Variants in APPBP2 observed in about 807,000 individuals in gnomAD.
The protein encoded by APPBP2 is amyloid protein-binding protein 2.
A neutral mutation model predicts 76.0 loss-of-function variants in APPBP2; 15 were observed. The observed-to-expected ratio is 0.20, with a 90% CI of 0.13 to 0.30. The LOEUF is 0.30. Ranked by LOEUF, APPBP2 falls within the 10% of genes least tolerant of loss-of-function variation. APPBP2 has a pLI of 1.00. For synonymous variants in APPBP2, 222 were observed against 242.2 expected (o/e 0.92, Z 0.77); for missense variants, 401 against 687.2 (o/e 0.58, Z 4.66).
intron 1 of APPBP2, among the ~76,000 whole-genome samples, chr17:60,523,685 A>G (rs79153090): frequency 0.082 from 12,486 of 152,202 alleles, 1,698 homozygotes; most frequent in African/African-American, 0.28. Flanking sequence ...ATTTTAATAA[A>G]AAGAATAATT....
intron 3 of APPBP2, among the ~76,000 whole-genome samples, chr17:60,489,218 T>C (rs1411905738): frequency 6.6e-6 from 1 of 151,232 alleles, no homozygotes; most frequent in African/African-American, 2.4e-5. Flanking sequence ...CAAGACTCTG[T>C]CTCAAATAAA....
intron 1 of APPBP2, among the ~76,000 whole-genome samples, chr17:60,501,175 G>A (rs115353036): frequency 2.2e-3 from 340 of 152,022 alleles, no homozygotes; most frequent in African/African-American, 7.5e-3. Flanking sequence ...CGCTAGGTGT[G>A]GTGGCATGCA....
intron 4 of APPBP2, 38 bp downstream of exon 4, chr17:60,479,110 T>G: frequency 1.9e-6 from 3 of 1,589,622 alleles, no homozygotes; most frequent in South Asian, 1.2e-5. Context: ...CACTAAATAC[T>G]GTTATAGCAC....
At chr17:60,459,358 T>C (rs1170778526) in intron 9 of APPBP2, 1 of 152,148 alleles carries the variant, frequency 6.6e-6, no homozygotes, top group East Asian at 1.9e-4. Flanking sequence ...AAGAGCGGTA[T>C]AGGTAAATAA....
At chr17:60,488,223 G>A (rs373065247) in intron 3 of APPBP2, among the ~76,000 whole-genome samples, 10 of 152,322 alleles carry the variant, frequency 6.6e-5, no homozygotes, top group South Asian at 6.2e-4. Context: ...CTCAAACTCC[G>A]TGCTGGGAGA....
At chr17:60,472,972 TG>T (rs2143358379) in intron 4 of APPBP2, among the ~76,000 whole-genome samples, 1 of 152,354 alleles carries the variant, frequency 6.6e-6, no homozygotes, top group South Asian at 2.1e-4. Context: ...TCTTCCTTAT[TG>T]TTAGTATTAT....
intron 1 of APPBP2, among the ~76,000 whole-genome samples, chr17:60,514,083 G>C (rs1182465669): frequency 1.4e-5 from 2 of 147,342 alleles, no homozygotes; most frequent in East Asian, 4.0e-4. Flanking sequence ...GTGGCAGGAA[G>C]ATCACTTGAA....
intron 1 of APPBP2, among the ~76,000 whole-genome samples, 154 bp downstream of exon 1, chr17:60,525,640 T>C (rs73330253): frequency 0.081 from 12,298 of 152,074 alleles, 1,650 homozygotes; most frequent in African/African-American, 0.28. Context: ...ATGGGGTGCT[T>C]CTCCACTGGC....
intron 1 of APPBP2, among the ~76,000 whole-genome samples, chr17:60,507,872 C>A (rs1427163353): frequency 6.6e-6 from 1 of 152,080 alleles, no homozygotes; most frequent in Non-Finnish European, 1.5e-5. Flanking sequence ...ACTGCAGCCT[C>A]CAACTCCTGG....
intron 2 of APPBP2, among the ~76,000 whole-genome samples, chr17:60,497,533 G>A (rs1047018264): frequency 1.3e-5 from 2 of 152,122 alleles, no homozygotes; most frequent in Non-Finnish European, 2.9e-5. Context: ...AATGCTTGAG[G>A]TGATGAACAC....
intron 2 of APPBP2, among the ~76,000 whole-genome samples, chr17:60,497,208 CG>C (rs2090783118): frequency 6.6e-6 from 1 of 152,096 alleles, no homozygotes; most frequent in Non-Finnish European, 1.5e-5. Context: ...TGCAACAACA[CG>C]GATGGAACTG....
At chr17:60,497,947 T>A (rs1039719600) in intron 2 of APPBP2, among the ~76,000 whole-genome samples, 1 of 151,988 alleles carries the variant, frequency 6.6e-6, no homozygotes. Context: ...GAGACCAGCA[T>A]GGGCAACATG....
intron 4 of APPBP2, among the ~76,000 whole-genome samples, chr17:60,475,234 C>CAAAAACAA (rs1188651762): frequency 6.6e-6 from 1 of 151,740 alleles, no homozygotes; most frequent in Non-Finnish European, 1.5e-5. Flanking sequence ...TCAAAAAAAA[C>CAAAAACAA]AAAAACAAAA....
chr17:60,463,096 TTTAC>T (rs1294120368), intron 6 of APPBP2, among the ~76,000 whole-genome samples: 1 of 152,204 alleles, frequency 6.6e-6, no homozygotes, highest in African/African-American at 2.4e-5. Flanking sequence ...ATTTATGCTG[TTTAC>T]TTACTCTAAA....
intron 4 of APPBP2, 104 bp downstream of exon 4, chr17:60,479,044 C>A: frequency 8.8e-7 from 1 of 1,133,154 alleles, no homozygotes. Context: ...TAAATATCAT[C>A]TCAGAGATTT....
chr17:60,449,996 C>T (rs2090380809), intron 12 of APPBP2, among the ~76,000 whole-genome samples: 1 of 151,826 alleles, frequency 6.6e-6, no homozygotes, highest in Non-Finnish European at 1.5e-5. Context: ...GGGGTTTCAG[C>T]ATGTTGGCCA....
At position 60,494,722 on chromosome 17, in the gene APPBP2, A is replaced by G. The variant is rs553974732; in HGVS notation, c.228-105T>C. The G allele has an allele frequency of 9.3e-6, 10 of 1,075,388 alleles. No individual in the cohort carries two copies. The Admixed American group carries it at 2.3e-4, about 25-fold the overall frequency. 66.6% of individuals were successfully genotyped at this position (1,075,388 alleles called of 1,614,324 possible). A position where few individuals can be genotyped will look rare whatever the true frequency, so the allele number is the denominator to read the frequency against. On this transcript the variant is annotated intron_variant, in intron 2 of 12. Coordinates refer to ENST00000083182, the MANE Select transcript of APPBP2 (RefSeq NM_006380.5). ...AATAATAGCACCATTATTTTCCAGG[A>G]CGGAATAAGATAAAAAGCATTTTGC...
intron 9 of APPBP2, 80 bp downstream of exon 9, chr17:60,460,583 T>C: frequency 1.4e-6 from 2 of 1,421,484 alleles, no homozygotes; most frequent in Non-Finnish European, 1.9e-6. Context: ...ATTAATGTAA[T>C]AATAGTTCCC....
chr17:60,525,686 G>C (rs771172737), intron 1 of APPBP2, 108 bp downstream of exon 1: 4 of 1,523,356 alleles, frequency 2.6e-6, no homozygotes, highest in Non-Finnish European at 3.5e-6. Flanking sequence ...CGGGAGGCAA[G>C]TCTGCCGGAA....
Sources: gnomAD v4.1 joint callset for allele counts (sites outside exome capture counted in the v4.1 genomes callset) on GRCh38, gnomAD v4.1.1 for gene constraint, MANE v1.5 for transcripts, NCBI Gene and HGNC (gene_info 2026-07-23, HGNC 2026-07-21) for gene names.